Variants in EEF1AKMT4 observed in about 807,000 individuals in gnomAD.
EEF1AKMT4 encodes EEF1A lysine methyltransferase 4.
A neutral mutation model predicts 23.0 loss-of-function variants in EEF1AKMT4; 17 were observed. The observed-to-expected ratio is 0.74, with a 90% confidence interval of 0.51 to 1.11. The LOEUF (loss-of-function observed/expected upper bound fraction) is 1.11. Ranked by LOEUF, EEF1AKMT4 falls within the 50% of genes least tolerant of loss-of-function variation. EEF1AKMT4 has a pLI of 0.00. For synonymous variants in EEF1AKMT4, 140 were observed against 141.4 expected (o/e 0.99, Z 0.07); for missense variants, 318 against 333.4 (o/e 0.95, Z 0.36).
chr3:184,253,949 C>T (rs1041721950), intron 1 of EEF1AKMT4, among the ~76,000 whole-genome samples: 2 of 152,228 alleles, frequency 1.3e-5, no homozygotes, highest in Non-Finnish European at 2.9e-5. Flanking sequence ...GGATTACAGA[C>T]ATGAGCCACT....
At chr3:184,250,854 C>A (rs930721723) in intron 1 of EEF1AKMT4, among the ~76,000 whole-genome samples, 16 of 150,752 alleles carry the variant, frequency 1.1e-4, no homozygotes, top group Non-Finnish European at 2.2e-4. Flanking sequence ...GAGGCCAAGG[C>A]GGGCGGATCA....
At chr3:184,251,085 C>CAA (rs57069077) in intron 1 of EEF1AKMT4, among the ~76,000 whole-genome samples, 5,205 of 70,716 alleles carry the variant, frequency 0.074, 130 homozygotes, top group Middle Eastern at 0.11. Flanking sequence ...AACTCTGTCT[C>CAA]AAAAAAAAAA....
At chr3:184,254,719 C>T (rs565001670) in intron 1 of EEF1AKMT4, among the ~76,000 whole-genome samples, 96 of 151,978 alleles carry the variant, frequency 6.3e-4, no homozygotes, top group African/African-American at 2.2e-3. Flanking sequence ...ATTTGACTTC[C>T]AATTTAGATT....
intron 1 of EEF1AKMT4, among the ~76,000 whole-genome samples, chr3:184,254,426 C>T (rs992557417): frequency 6.6e-6 from 1 of 151,458 alleles, no homozygotes; most frequent in Non-Finnish European, 1.5e-5. Flanking sequence ...TGGAAGCAGC[C>T]GGGTGCGGTG....
Position 184,252,713 on chromosome 3 carries a change from C to T in EEF1AKMT4, c.196+2823C>T, listed in dbSNP as rs555125400. Among the ~76,000 whole-genome samples the T allele has an allele frequency of 4.1e-4, 63 of 152,126 alleles. No individual in the cohort carries two copies. The Middle Eastern group carries it at 0.014, about 33-fold the overall frequency. ...ATCCCACCACTTTGGGAGGCCGAGGCGGGCGGGTCACCTGAGGTCAGGAGT... is the reference window on the plus strand; with the variant it reads ...ATCCCACCACTTTGGGAGGCCGAGGTGGGCGGGTCACCTGAGGTCAGGAGT... On this transcript the variant is annotated intron_variant, in intron 1 of 2. Coordinates refer to ENST00000324557, the MANE Select transcript of EEF1AKMT4 (RefSeq NM_032331.4).
chr3:184,249,679 C>A lies in EEF1AKMT4; in HGVS notation c.-16C>A. The A allele has an allele frequency of 6.3e-7, 1 of 1,578,562 alleles. No homozygotes were observed. Among genetic ancestry groups the A allele is most frequent in the Non-Finnish European group, 8.6e-7 (1 of 1,158,042 alleles). Reference sequence around the variant, plus strand: ...GCTGAAGGGCCGGCGGCTCTGGCTGCCCGGCGGTTGAGAGCATGGCCTCTC... The same window carrying A: ...GCTGAAGGGCCGGCGGCTCTGGCTGACCGGCGGTTGAGAGCATGGCCTCTC... On this transcript the variant is annotated 5_prime_UTR_variant, in exon 1 of 3. Transcript: ENST00000324557.
intron 1 of EEF1AKMT4, 78 bp from the exon 2 acceptor site, chr3:184,257,395 A>G: frequency 6.9e-7 from 1 of 1,444,362 alleles, no homozygotes; most frequent in Non-Finnish European, 9.4e-7. Context: ...AACGGGGCCA[A>G]GAGTGGATGG....
chr3:184,253,830 TG>T, intron 1 of EEF1AKMT4, among the ~76,000 whole-genome samples: 1 of 152,020 alleles, frequency 6.6e-6, no homozygotes, highest in East Asian at 1.9e-4. Flanking sequence ...CCACCACACC[TG>T]GCTAATTTTT....
chr3:184,251,680 C>T (rs1376239368), intron 1 of EEF1AKMT4, among the ~76,000 whole-genome samples: 5 of 152,034 alleles, frequency 3.3e-5, no homozygotes, highest in South Asian at 2.1e-4. Flanking sequence ...CCAGCCTAGG[C>T]GACAGAATGA....
At chr3:184,252,645 T>C (rs937066600) in intron 1 of EEF1AKMT4, among the ~76,000 whole-genome samples, 4 of 152,010 alleles carry the variant, frequency 2.6e-5, no homozygotes, top group African/African-American at 9.7e-5. Context: ...CTACAGACAA[T>C]ACAAAAGTGA....
At chr3:184,257,823 C>G in intron 2 of EEF1AKMT4, 67 bp downstream of exon 2, 1 of 1,537,330 alleles carries the variant, frequency 6.5e-7, no homozygotes, top group Admixed American at 1.9e-5. Context: ...TTTCAGGGGA[C>G]TGGAAGAAAT....
chr3:184,255,343 T>A (rs1719753132), intron 1 of EEF1AKMT4, among the ~76,000 whole-genome samples: 1 of 152,208 alleles, frequency 6.6e-6, no homozygotes, highest in Admixed American at 6.5e-5. Flanking sequence ...AAGATAGTTT[T>A]CCTTGAGCCC....
intron 1 of EEF1AKMT4, among the ~76,000 whole-genome samples, chr3:184,253,773 G>A (rs553911789): frequency 2.0e-5 from 3 of 151,054 alleles, no homozygotes; most frequent in South Asian, 2.1e-4. Flanking sequence ...GGGTTCAAGC[G>A]ATTCTCCTGC....
intron 1 of EEF1AKMT4, among the ~76,000 whole-genome samples, chr3:184,251,097 A>G (rs1407285969): frequency 3.2e-4 from 41 of 129,830 alleles, no homozygotes; most frequent in African/African-American, 1.3e-3. Flanking sequence ...AAAAAAAAAA[A>G]AAAAAAAGAA....
intron 1 of EEF1AKMT4, among the ~76,000 whole-genome samples, chr3:184,253,305 A>G (rs537865956): frequency 1.3e-5 from 2 of 152,226 alleles, no homozygotes; most frequent in Non-Finnish European, 2.9e-5. Context: ...TCTGGTCAGA[A>G]CACTGACAGT....
In EEF1AKMT4 at chr3:184,252,604, A is replaced by G. The variant is rs114421802; in HGVS notation, c.196+2714A>G. Among the ~76,000 whole-genome samples, 520 of 152,236 alleles carry G rather than the reference A, an allele frequency of 3.4e-3. 1 individual carries two copies. Among genetic ancestry groups the G allele is most frequent in the Middle Eastern group, 0.01 (3 of 294 alleles). ...AGGCTACACAGTCTCTTTTACAATG[A>G]CTTGGTTCCGCTATTGTAGTGGAAA... is the stretch of plus-strand genomic sequence containing the variant. On this transcript the variant is annotated intron_variant, in intron 1 of 2. Transcript: ENST00000324557.
At chr3:184,250,224 G>C (rs1464468809) in intron 1 of EEF1AKMT4, among the ~76,000 whole-genome samples, 1 of 152,236 alleles carries the variant, frequency 6.6e-6, no homozygotes, top group Non-Finnish European at 1.5e-5. Flanking sequence ...TAATTGACTT[G>C]TAAAACTTAG....
chr3:184,252,681 G>A (rs1481051222), intron 1 of EEF1AKMT4, among the ~76,000 whole-genome samples: 1 of 152,112 alleles, frequency 6.6e-6, no homozygotes, highest in Non-Finnish European at 1.5e-5. Flanking sequence ...GGTGGCTCAC[G>A]CCTGTAATCC....
intron 1 of EEF1AKMT4, among the ~76,000 whole-genome samples, chr3:184,250,536 C>A (rs1375238829): frequency 6.6e-6 from 1 of 152,198 alleles, no homozygotes; most frequent in Non-Finnish European, 1.5e-5. Context: ...CGGCTGACCT[C>A]TTGAGGTTCT....
Sources: allele counts gnomAD v4.1 joint callset (sites outside exome capture counted in the v4.1 genomes callset), GRCh38; gene constraint gnomAD v4.1.1; transcripts MANE v1.5; gene names NCBI Gene and HGNC (gene_info 2026-07-23, HGNC 2026-07-21).